ARMH3: variants seen among roughly 807,000 people sequenced by gnomAD.
ARMH3 encodes the protein armadillo like helical domain containing 3.
In ARMH3, 60 loss-of-function variants were observed where a neutral mutation model predicts 99.1. The observed-to-expected ratio is 0.61, with a 90% confidence interval of 0.49 to 0.75. ARMH3 has a LOEUF of 0.75. Among genes scored for constraint, ARMH3 ranks in the 30% least tolerant of loss-of-function variants. The probability of loss-of-function intolerance (pLI) is 0.00; values close to 1 mark genes in which losing one functional copy is unlikely to be tolerated. For missense variants in ARMH3, 679 were observed against 843.1 expected, an observed-to-expected ratio of 0.81 and a Z score of 2.41; for synonymous variants, 285 against 292.8, an observed-to-expected ratio of 0.97 and a Z score of 0.27.
chr10:102,012,588 G>C (rs1372817850), intron 10 of ARMH3, among the ~76,000 whole-genome samples: 1 of 152,170 alleles, frequency 6.6e-6, no homozygotes, highest in Non-Finnish European at 1.5e-5. Context: ...AATACCAAAA[G>C]TTGCAAAGGA....
intron 23 of ARMH3, among the ~76,000 whole-genome samples, chr10:101,914,018 G>A (rs2135561771): frequency 6.6e-6 from 1 of 152,306 alleles, no homozygotes; most frequent in Non-Finnish European, 1.5e-5. Context: ...TACTACCAAT[G>A]TAGGTCAGAA....
intron 23 of ARMH3, among the ~76,000 whole-genome samples, chr10:101,920,264 T>C (rs1315759347): frequency 6.6e-6 from 1 of 151,750 alleles, no homozygotes; most frequent in Admixed American, 6.6e-5. Flanking sequence ...AGGAGGTGAG[T>C]TGACAAGTTG....
intron 2 of ARMH3, among the ~76,000 whole-genome samples, chr10:102,039,630 C>A (rs2067360524): frequency 6.6e-6 from 1 of 152,170 alleles, no homozygotes; most frequent in Admixed American, 6.6e-5. Flanking sequence ...TTAAAAGTAT[C>A]TGAATTATAG....
At chr10:102,000,610 C>CA (rs1194128389) in intron 15 of ARMH3, among the ~76,000 whole-genome samples, 2 of 148,582 alleles carry the variant, frequency 1.3e-5, no homozygotes, top group South Asian at 4.4e-4. Context: ...AATACACACA[C>CA]AAAAAAAATA....
rs557909251 is a variant in ARMH3, at chr10:101,956,545, C to G, written c.1705+52G>C. ...TTTCGTAGTCTTTTCCTCTTATATG[C>G]CAAAAGCTAGACAAATGGTGGAGAG... On this transcript the variant is annotated intron_variant, in intron 22 of 25. Transcript: ENST00000370033. The G allele has an allele frequency of 2.5e-6, 4 of 1,592,636 alleles. No homozygotes were observed. The East Asian group carries it at 9.0e-5, about 36-fold the overall frequency.
intron 2 of ARMH3, among the ~76,000 whole-genome samples, chr10:102,039,425 G>A (rs1183464215): frequency 1.3e-5 from 2 of 152,172 alleles, no homozygotes; most frequent in Non-Finnish European, 2.9e-5. Flanking sequence ...TTACAGGCGG[G>A]AGCCACCGCG....
At chr10:101,871,313 CT>C (rs1400054680) in intron 24 of ARMH3, among the ~76,000 whole-genome samples, 2 of 152,082 alleles carry the variant, frequency 1.3e-5, no homozygotes, top group East Asian at 1.9e-4. Flanking sequence ...TCTCACCAGT[CT>C]TTTTGCAGAA....
chr10:102,038,407 T>C (rs1020291684), intron 2 of ARMH3, among the ~76,000 whole-genome samples: 7 of 152,132 alleles, frequency 4.6e-5, no homozygotes, highest in Non-Finnish European at 8.8e-5. Flanking sequence ...AGAATCCTAA[T>C]AGGATCCTAG....
chr10:101,952,169 T>C (rs892735322), intron 22 of ARMH3, among the ~76,000 whole-genome samples: 4 of 151,886 alleles, frequency 2.6e-5, no homozygotes, highest in Admixed American at 6.6e-5. Context: ...TATGAAAAAG[T>C]AGAAAAAATT....
At chr10:102,051,658 T>G (rs991613808) in intron 1 of ARMH3, among the ~76,000 whole-genome samples, 1 of 152,076 alleles carries the variant, frequency 6.6e-6, no homozygotes, top group African/African-American at 2.4e-5. Context: ...AGAATGGGTG[T>G]TCAGCCTATA....
chr10:102,045,180 A>G lies in ARMH3; in HGVS notation c.-11-5055T>C, dbSNP rs377510779. Among the ~76,000 whole-genome samples the G allele has an allele frequency of 2.2e-4, 33 of 151,070 alleles. 1 individual carries two copies. In the East Asian group the frequency reaches 5.4e-3, roughly 25 times the overall value. ...AAACAAAAGTAAATAGTTTAGGGGG[A>G]AAAATATGTACAGATCCGACATTTA... is the stretch of plus-strand genomic sequence containing the variant. On this transcript the variant is annotated intron_variant, in intron 1 of 25. Coordinates refer to ENST00000370033, the MANE Select transcript of ARMH3 (RefSeq NM_024541.3).
intron 2 of ARMH3, among the ~76,000 whole-genome samples, chr10:102,037,281 A>C (rs1194203103): frequency 1.3e-5 from 2 of 149,860 alleles, no homozygotes; most frequent in Non-Finnish European, 3.0e-5. Context: ...TCCCGGGTTC[A>C]AGCGATTCTC....
In ARMH3 at chr10:101,852,037, A is replaced by T. The variant is rs564997711; in HGVS notation, c.1861-2145T>A. Among the ~76,000 whole-genome samples, 4 of 692 alleles carry T rather than the reference A, an allele frequency of 5.8e-3. No homozygotes were observed. The South Asian group carries it at 0.5, about 86-fold the overall frequency. The allele number at this position is 692 out of a possible 152,430, so 0.5% of individuals were successfully genotyped here. A position where few individuals can be genotyped will look rare whatever the true frequency, so the allele number is the denominator to read the frequency against. ...CCCAGAAAAAGGCAAAATTCCTCCA[A>T]GATGGAAATCAGCCCCTAGGAACCA... On this transcript the variant is annotated intron_variant, in intron 24 of 25. Transcript: ENST00000370033.
At chr10:102,053,547 CTTACT>C (rs1354285071) in intron 1 of ARMH3, among the ~76,000 whole-genome samples, 4 of 152,004 alleles carry the variant, frequency 2.6e-5, no homozygotes, top group Admixed American at 2.0e-4. Flanking sequence ...AATGCCTTTT[CTTACT>C]TGTGCAATCT....
intron 23 of ARMH3, among the ~76,000 whole-genome samples, chr10:101,937,573 C>CCAA: frequency 6.6e-6 from 1 of 151,532 alleles, no homozygotes; most frequent in East Asian, 1.9e-4. Context: ...CTCAGCTTTG[C>CCAA]CAAGGAACAA....
At chr10:102,003,797 G>A (rs1258646030) in intron 14 of ARMH3, among the ~76,000 whole-genome samples, 2 of 152,188 alleles carry the variant, frequency 1.3e-5, no homozygotes, top group African/African-American at 4.8e-5. Flanking sequence ...AAAGCCTTAT[G>A]AAAAGAAATC....
At chr10:101,913,003 C>T (rs924616798) in intron 23 of ARMH3, 2 of 152,148 alleles carry the variant, frequency 1.3e-5, no homozygotes, top group Non-Finnish European at 2.9e-5. Flanking sequence ...CTTTTAGAGG[C>T]AGGTTCTAGC....
At chr10:101,897,686 C>T (rs145777885) in intron 23 of ARMH3, among the ~76,000 whole-genome samples, 1,632 of 152,148 alleles carry the variant, frequency 0.011, 13 homozygotes, top group Non-Finnish European at 0.016. Flanking sequence ...ATTAGAAAGT[C>T]CCAAAGGGGA....
intron 1 of ARMH3, among the ~76,000 whole-genome samples, chr10:102,045,029 G>A (rs967712184): frequency 1.7e-4 from 26 of 151,218 alleles, no homozygotes; most frequent in African/African-American, 5.6e-4. Context: ...CCAGATACTC[G>A]GGACGCTGAA....
Sources: gnomAD v4.1 joint callset for allele counts (sites outside exome capture counted in the v4.1 genomes callset) on GRCh38, gnomAD v4.1.1 for gene constraint, MANE v1.5 for transcripts, NCBI Gene and HGNC (gene_info 2026-07-23, HGNC 2026-07-21) for gene names.